Variants in AOPEP observed in about 807,000 individuals in gnomAD.
The protein encoded by AOPEP is aminopeptidase O.
AOPEP carries 77 observed loss-of-function variants against 98.1 expected under a neutral mutation model. The observed-to-expected ratio is 0.78, with a 90% confidence interval of 0.65 to 0.95. AOPEP has a LOEUF of 0.95. AOPEP is among the 40% of genes least tolerant of loss of function. AOPEP has a pLI of 0.00. For missense variants in AOPEP, 1,024 were observed against 1,024.7 expected (o/e 1.00, Z 0.01); for synonymous variants, 346 against 365.3 (o/e 0.95, Z 0.60).
chr9:94,841,237 T>A (rs1486334427), intron 5 of AOPEP, among the ~76,000 whole-genome samples: 1 of 151,456 alleles, frequency 6.6e-6, no homozygotes, highest in Non-Finnish European at 1.5e-5. Flanking sequence ...AATGGTGCGA[T>A]CTCAGCTTAC....
rs139871422 is a variant in AOPEP, at chr9:94,954,144, G to A, written c.1662-1033G>A. Among the ~76,000 whole-genome samples the A allele has an allele frequency of 2.0e-4, 30 of 152,198 alleles. No homozygotes were observed. The East Asian group carries it at 3.5e-3, about 18-fold the overall frequency. ...TCGAGACCAGCCTGGCCAACATGGC[G>A]AAACCCCATCTCTACAGAAAAAAAC... On this transcript the variant is annotated intron_variant, in intron 7 of 16. Coordinates refer to ENST00000375315, the MANE Select transcript of AOPEP (RefSeq NM_001193329.3).
chr9:94,979,186 C>A (rs542604801), intron 10 of AOPEP, among the ~76,000 whole-genome samples, 181 bp from the exon 11 acceptor site: 8 of 152,100 alleles, frequency 5.3e-5, no homozygotes, highest in Non-Finnish European at 8.8e-5. Context: ...TGAAGAGGAG[C>A]GGTCTCATGT....
chr9:94,762,313 G>C (rs1218606640), intron 2 of AOPEP, among the ~76,000 whole-genome samples: 26 of 152,180 alleles, frequency 1.7e-4, no homozygotes, highest in Admixed American at 1.6e-3. Flanking sequence ...TGGGCATGGT[G>C]GTGGGCGCCT....
At chr9:94,842,850 AT>A (rs1193767601) in intron 5 of AOPEP, among the ~76,000 whole-genome samples, 2 of 152,188 alleles carry the variant, frequency 1.3e-5, no homozygotes, top group African/African-American at 4.8e-5. Context: ...CAAAGTTTTT[AT>A]TTTGAAATCC....
At chr9:94,885,194 C>G (rs1372997996) in intron 5 of AOPEP, among the ~76,000 whole-genome samples, 1 of 150,812 alleles carries the variant, frequency 6.6e-6, no homozygotes, top group Non-Finnish European at 1.5e-5. Flanking sequence ...ACAAAACATA[C>G]AAAAATTAGC....
the AOPEP span, among the ~76,000 whole-genome samples, chr9:95,112,005 G>A: frequency 6.6e-6 from 1 of 152,194 alleles, no homozygotes; most frequent in African/African-American, 2.4e-5. Flanking sequence ...AGAAAGAGGT[G>A]GAGGGTAGGA....
rs71366268 is a variant in AOPEP at position 94,885,348 on chromosome 9, CAAAAAAAAAAAAAAAAAAAAA to C, written c.1365-38616_1365-38596del. Among the ~76,000 whole-genome samples, 191 of 35,976 alleles carry C rather than the reference CAAAAAAAAAAAAAAAAAAAAA, an allele frequency of 5.3e-3. 2 individuals are homozygous for C. In the East Asian group the frequency reaches 0.057, roughly 11 times the overall value. 23.6% of individuals were successfully genotyped at this position (35,976 alleles called of 152,430 possible). On this transcript the variant is annotated intron_variant, in intron 5 of 16. Transcript: ENST00000375315. ...TGGGTGACAGAGTGAGATCCTGTCT[CAAAAAAAAAAAAAAAAAAAAA>C]AAAAAAAAAAAAAAAAAAAAAGACA...
At chr9:95,113,190 C>T in the AOPEP span, among the ~76,000 whole-genome samples, 2 of 152,306 alleles carry the variant, frequency 1.3e-5, no homozygotes, top group Admixed American at 1.3e-4. Flanking sequence ...TTTGTCTGGT[C>T]TCTGTCGGTA....
At chr9:95,025,065 G>T (rs1400838336) in intron 13 of AOPEP, among the ~76,000 whole-genome samples, 2 of 152,132 alleles carry the variant, frequency 1.3e-5, no homozygotes, top group African/African-American at 4.8e-5. Flanking sequence ...TTATATTTGG[G>T]ATCTCAATCA....
chr9:94,821,823 C>G (rs1187051043), intron 5 of AOPEP, among the ~76,000 whole-genome samples: 1 of 152,178 alleles, frequency 6.6e-6, no homozygotes, highest in Non-Finnish European at 1.5e-5. Flanking sequence ...TGATTTATCT[C>G]AGCCTTAGTA....
chr9:94,838,909 C>CTTTT lies in AOPEP; in HGVS notation c.1364+37925_1364+37928dup, dbSNP rs35849023. Among the ~76,000 whole-genome samples the CTTTT allele has an allele frequency of 4.7e-3, 470 of 99,744 alleles. 9 individuals are homozygous for CTTTT. Among genetic ancestry groups the CTTTT allele is most frequent in the African/African-American group, 5.0e-3 (119 of 23,722 alleles). The allele number at this position is 99,744 out of a possible 152,430, so 65.4% of individuals were successfully genotyped here. A position where few individuals can be genotyped will look rare whatever the true frequency, so the allele number is the denominator to read the frequency against. On this transcript the variant is annotated intron_variant, in intron 5 of 16. Coordinates refer to ENST00000375315, the MANE Select transcript of AOPEP (RefSeq NM_001193329.3). ...ATAATTAATCACTATAAATGCTATT[C>CTTTT]TTTTTTTTTTTTTTTTTTTTTGAGA... is the stretch of plus-strand genomic sequence containing the variant.
chr9:95,089,329 C>T (rs1230351702), downstream of AOPEP, among the ~76,000 whole-genome samples: 3 of 152,332 alleles, frequency 2.0e-5, no homozygotes, highest in South Asian at 2.1e-4. Context: ...GAGGCTAGAA[C>T]GCTCACTGCC....
chr9:95,003,179 C>CGCGT (rs200073615), intron 11 of AOPEP, among the ~76,000 whole-genome samples: 1 of 150,680 alleles, frequency 6.6e-6, no homozygotes, highest in African/African-American at 2.5e-5. Context: ...CGCGCGCGCG[C>CGCGT]GTGTGTGACT....
chr9:95,085,876 T>C, intron 16 of AOPEP: 1 of 1,192,796 alleles, frequency 8.4e-7, no homozygotes, highest in South Asian at 1.6e-5. Flanking sequence ...GGGCGGGGCT[T>C]TCGGAGGAGC....
At chr9:94,751,893 T>TA (rs1399208387) in intron 1 of AOPEP, among the ~76,000 whole-genome samples, 1 of 148,920 alleles carries the variant, frequency 6.7e-6, no homozygotes, top group Non-Finnish European at 1.5e-5. Context: ...GAAAACTTTT[T>TA]TTTTTTTTTT....
chr9:95,005,058 C>T (rs778017108), intron 11 of AOPEP, 100 bp from the exon 12 acceptor site: 601 of 475,132 alleles, frequency 1.3e-3, no homozygotes, highest in Non-Finnish European at 1.5e-3. Flanking sequence ...TCCCCGGCCG[C>T]GGGCGAGGTA....
intron 16 of AOPEP, chr9:95,085,896 T>C: frequency 8.3e-7 from 1 of 1,208,142 alleles, no homozygotes; most frequent in Non-Finnish European, 1.1e-6. Context: ...CTCCTGTTGT[T>C]CTGGGCGCGG....
intron 2 of AOPEP, among the ~76,000 whole-genome samples, chr9:94,772,240 G>A (rs1302227615): frequency 6.6e-6 from 1 of 152,224 alleles, no homozygotes; most frequent in Non-Finnish European, 1.5e-5. Flanking sequence ...GGTGTCAAGA[G>A]TGGACCCTTT....
At chr9:95,033,193 G>T (rs527610906) in intron 13 of AOPEP, among the ~76,000 whole-genome samples, 3 of 152,230 alleles carry the variant, frequency 2.0e-5, no homozygotes, top group East Asian at 3.9e-4. Flanking sequence ...ATATAAGTCC[G>T]CTGTGTCCTC....
Sources: gnomAD v4.1 joint callset for allele counts (sites outside exome capture counted in the v4.1 genomes callset) on GRCh38, gnomAD v4.1.1 for gene constraint, MANE v1.5 for transcripts, NCBI Gene and HGNC (gene_info 2026-07-23, HGNC 2026-07-21) for gene names.